SPATA17: variants seen among roughly 807,000 people sequenced by gnomAD.
SPATA17 encodes spermatogenesis-associated protein 17.
In SPATA17, 53 loss-of-function variants were observed where a neutral mutation model predicts 62.2. The observed-to-expected ratio is 0.85, with a 90% CI of 0.68 to 1.07. The LOEUF (loss-of-function observed/expected upper bound fraction) is 1.07, where lower values mean the gene tolerates loss of function less well. Among genes scored for constraint, SPATA17 ranks in the 50% least tolerant of loss-of-function variants. The pLI, the probability that SPATA17 is intolerant of heterozygous loss-of-function variation, is 0.00. For synonymous variants in SPATA17, 146 were observed against 146.8 expected, an observed-to-expected ratio of 0.99 and a Z score of 0.04; for missense variants, 466 against 425.5, an observed-to-expected ratio of 1.10 and a Z score of -0.84.
intron 5 of SPATA17, among the ~76,000 whole-genome samples, chr1:217,684,060 A>G (rs899593244): frequency 1.3e-5 from 2 of 152,162 alleles, no homozygotes; most frequent in Non-Finnish European, 2.9e-5. Flanking sequence ...CCTCTCCTAG[A>G]ATAAAATATC....
intron 9 of SPATA17, among the ~76,000 whole-genome samples, chr1:217,819,992 C>G (rs778043360): frequency 1.3e-5 from 2 of 151,942 alleles, no homozygotes; most frequent in Non-Finnish European, 2.9e-5. Context: ...AGAAAAAGGT[C>G]ATATATCGAT....
At chr1:217,768,099 G>A (rs1673347262) in intron 6 of SPATA17, among the ~76,000 whole-genome samples, 1 of 152,040 alleles carries the variant, frequency 6.6e-6, no homozygotes, top group African/African-American at 2.4e-5. Context: ...CAAAAAATTA[G>A]CCAGGCATGG....
At chr1:217,668,666 A>T (rs1479780588) in intron 3 of SPATA17, among the ~76,000 whole-genome samples, 2 of 152,170 alleles carry the variant, frequency 1.3e-5, no homozygotes, top group Non-Finnish European at 2.9e-5. Context: ...TGTTTCTGTG[A>T]GGTTTGGCTA....
chr1:217,801,955 G>A (rs1459630491), intron 9 of SPATA17, 105 bp downstream of exon 9: 3 of 1,188,702 alleles, frequency 2.5e-6, no homozygotes, highest in Admixed American at 3.1e-5. Context: ...GACCTTTATG[G>A]TAACAACATT....
intron 2 of SPATA17, among the ~76,000 whole-genome samples, chr1:217,650,491 A>G (rs1359226776): frequency 6.6e-6 from 1 of 151,764 alleles, no homozygotes; most frequent in Non-Finnish European, 1.5e-5. Context: ...ATCTCGGCTC[A>G]CTGCAACCTC....
intron 5 of SPATA17, among the ~76,000 whole-genome samples, chr1:217,708,837 A>G (rs1671795339): frequency 6.6e-6 from 1 of 152,212 alleles, no homozygotes; most frequent in African/African-American, 2.4e-5. Context: ...ATCCACCATG[A>G]TCAAGTGGGC....
At chr1:217,862,369 T>A (rs1417102632) in intron 9 of SPATA17, among the ~76,000 whole-genome samples, 1 of 152,216 alleles carries the variant, frequency 6.6e-6, no homozygotes, top group Non-Finnish European at 1.5e-5. Context: ...CTGCCCTCTA[T>A]GATAGTGATT....
intron 5 of SPATA17, among the ~76,000 whole-genome samples, chr1:217,734,798 G>T (rs920499175): frequency 3.3e-5 from 5 of 152,116 alleles, no homozygotes; most frequent in Admixed American, 1.3e-4. Context: ...AGTACATATT[G>T]TGTCTTCTTT....
intron 9 of SPATA17, chr1:217,850,363 A>C (rs1013866602): frequency 1.3e-6 from 1 of 782,344 alleles, no homozygotes; most frequent in Non-Finnish European, 2.1e-6. Context: ...GTGCAGTGTA[A>C]TGCCATCACT....
At chr1:217,647,982 G>C (rs12139238) in intron 1 of SPATA17, among the ~76,000 whole-genome samples, 35,250 of 151,794 alleles carry the variant, frequency 0.23, 4,251 homozygotes, top group African/African-American at 0.29. Flanking sequence ...CTTGGCCTCC[G>C]AGAGTGCTGG....
At chr1:217,818,950 T>C (rs866793928) in intron 9 of SPATA17, among the ~76,000 whole-genome samples, 2 of 151,038 alleles carry the variant, frequency 1.3e-5, no homozygotes, top group South Asian at 2.1e-4. Context: ...CATATAGAAT[T>C]TACTTTTCAT....
At chr1:217,722,889 C>G (rs1002714059) in intron 5 of SPATA17, among the ~76,000 whole-genome samples, 5 of 152,194 alleles carry the variant, frequency 3.3e-5, no homozygotes, top group African/African-American at 1.2e-4. Flanking sequence ...ATTGCCAATG[C>G]CATACTGGCA....
intron 3 of SPATA17, among the ~76,000 whole-genome samples, chr1:217,662,082 G>T (rs1348638826): frequency 6.6e-6 from 1 of 152,036 alleles, no homozygotes; most frequent in Admixed American, 6.6e-5. Context: ...TTCCCTGACT[G>T]CATTTATCTG....
intron 5 of SPATA17, among the ~76,000 whole-genome samples, chr1:217,734,999 A>G (rs962769364): frequency 6.6e-6 from 1 of 152,116 alleles, no homozygotes; most frequent in East Asian, 1.9e-4. Flanking sequence ...CCGCTTCCCA[A>G]CAGAGGACTT....
At position 217,752,899 on chromosome 1, in the gene SPATA17, T is replaced by C. The variant is rs1672949516; in HGVS notation, c.519+10801T>C. Among the ~76,000 whole-genome samples, 2 of 152,016 alleles carry C rather than the reference T, an allele frequency of 1.3e-5. 1 individual carries two copies. The highest frequency in any genetic ancestry group is 4.8e-5 in the African/African-American group (2 of 41,372). ...GGGTGGTAGGAATATTCCTGGGAGG[T>C]ATTTCTGTTTTGGGATTGCTAACAA... On this transcript the variant is annotated intron_variant, in intron 6 of 10. Transcript: ENST00000366933.
intron 9 of SPATA17, among the ~76,000 whole-genome samples, chr1:217,808,481 T>G (rs1001637988): frequency 2.6e-5 from 4 of 152,116 alleles, no homozygotes; most frequent in African/African-American, 4.8e-5. Flanking sequence ...GATCTAATGA[T>G]TCTATTAATA....
chr1:217,862,904 C>A, intron 10 of SPATA17, 48 bp downstream of exon 10: 1 of 1,234,104 alleles, frequency 8.1e-7, no homozygotes, highest in Non-Finnish European at 1.1e-6. Context: ...TTAAATAACA[C>A]TTAAAAAATC....
rs1269246935 is a variant in SPATA17 at position 217,871,196 on chromosome 1, A to C, written c.*4177A>C. ...CTTTCATATCTGTAAACTTTGGTAT[A>C]ATTGGTTATTTATGCAATGTATTGT... is the stretch of plus-strand genomic sequence containing the variant. On this transcript the variant is annotated 3_prime_UTR_variant, in exon 11 of 11. Coordinates refer to ENST00000366933, the MANE Select transcript of SPATA17 (RefSeq NM_138796.4). 1 of 152,122 alleles carries C rather than the reference A, an allele frequency of 6.6e-6. No homozygotes were observed. The highest frequency in any genetic ancestry group is 1.9e-4 in the East Asian group (1 of 5,180). 9.4% of individuals were successfully genotyped at this position (152,122 alleles called of 1,614,324 possible). A position where few individuals can be genotyped will look rare whatever the true frequency, so the allele number is the denominator to read the frequency against.
rs1329472894 is a variant in SPATA17, at chr1:217,868,670, T to G, written c.*1651T>G. On this transcript the variant is annotated 3_prime_UTR_variant, in exon 11 of 11. Coordinates refer to ENST00000366933, the MANE Select transcript of SPATA17 (RefSeq NM_138796.4). The stretch of plus-strand genomic sequence containing the variant: ...AGAAAGTATCTGAGACAATGTTTTT[T>G]TTTTTTTTTTTTTTTTTTTTAATTT... The G allele has an allele frequency of 1.3e-4, 19 of 147,236 alleles. No homozygotes were observed. The highest frequency in any genetic ancestry group is 4.4e-4 in the South Asian group (2 of 4,542). The allele number at this position is 147,236 out of a possible 1,614,324, so 9.1% of individuals were successfully genotyped here.
Sources: gnomAD v4.1 joint callset for allele counts (sites outside exome capture counted in the v4.1 genomes callset) on GRCh38, gnomAD v4.1.1 for gene constraint, MANE v1.5 for transcripts, NCBI Gene and HGNC (gene_info 2026-07-23, HGNC 2026-07-21) for gene names.